CNTN5: variants seen among roughly 807,000 people sequenced by gnomAD.
The protein encoded by CNTN5 is contactin 5.
In CNTN5, 77 loss-of-function variants were observed where a neutral mutation model predicts 129.1. The observed-to-expected ratio is 0.60, with a 90% CI of 0.50 to 0.72. CNTN5 has a LOEUF of 0.72. Ranked by LOEUF, CNTN5 falls within the 30% of genes least tolerant of loss-of-function variation. The pLI, the probability that CNTN5 is intolerant of heterozygous loss-of-function variation, is 0.00. For missense variants in CNTN5, 1,478 were observed against 1,328.8 expected (o/e 1.11, Z -1.75); for synonymous variants, 509 against 465.6 (o/e 1.09, Z -1.20).
chr11:100,242,111 A>C (rs1031260577), intron 16 of CNTN5, among the ~76,000 whole-genome samples: 6 of 152,126 alleles, frequency 3.9e-5, no homozygotes, highest in African/African-American at 1.4e-4. Context: ...ATAAACTGGC[A>C]CTTGCTAATC....
At chr11:100,035,078 G>C (rs144685985) in intron 9 of CNTN5, among the ~76,000 whole-genome samples, 14,174 of 151,914 alleles carry the variant, frequency 0.093, 856 homozygotes, top group East Asian at 0.2. Flanking sequence ...CCATTAACTC[G>C]TCATTTAGCA....
intron 18 of CNTN5, among the ~76,000 whole-genome samples, chr11:100,285,819 G>T (rs1383306851): frequency 6.6e-6 from 1 of 152,188 alleles, no homozygotes; most frequent in South Asian, 2.1e-4. Context: ...GAAGACGGGT[G>T]ATTTCTGCAT....
At chr11:99,919,897 C>A (rs1425336545) in intron 7 of CNTN5, among the ~76,000 whole-genome samples, 1 of 151,824 alleles carries the variant, frequency 6.6e-6, no homozygotes, top group Non-Finnish European at 1.5e-5. Flanking sequence ...CTTAAGTGAT[C>A]CGCTCACCTA....
intron 3 of CNTN5, among the ~76,000 whole-genome samples, chr11:99,801,869 A>G (rs537805223): frequency 5.4e-4 from 82 of 152,112 alleles, no homozygotes; most frequent in Non-Finnish European, 2.9e-4. Flanking sequence ...CTCTTTGGAT[A>G]TCTTTGGACT....
chr11:100,052,326 C>T (rs1207172008), intron 9 of CNTN5, among the ~76,000 whole-genome samples: 1 of 151,838 alleles, frequency 6.6e-6, no homozygotes, highest in African/African-American at 2.4e-5. Flanking sequence ...CTCTGTTCCA[C>T]ACTTAACGGG....
chr11:100,209,472 A>C (rs1294631812), intron 15 of CNTN5, among the ~76,000 whole-genome samples: 2 of 152,230 alleles, frequency 1.3e-5, no homozygotes, highest in African/African-American at 4.8e-5. Flanking sequence ...TTACATGGTT[A>C]ACATTCTTTT....
At chr11:99,630,612 G>A (rs1259193559) in intron 3 of CNTN5, among the ~76,000 whole-genome samples, 3 of 151,784 alleles carry the variant, frequency 2.0e-5, no homozygotes, top group African/African-American at 7.3e-5. Context: ...CTATTTCTTA[G>A]TCACAATTCA....
chr11:100,070,348 T>A, intron 10 of CNTN5, 76 bp from the exon 11 acceptor site: 1 of 1,442,270 alleles, frequency 6.9e-7, no homozygotes, highest in Admixed American at 2.1e-5. Context: ...ACGTTGAATT[T>A]TTCCATGTAA....
At chr11:99,541,422 G>A (rs1373275076) in intron 2 of CNTN5, among the ~76,000 whole-genome samples, 1 of 152,058 alleles carries the variant, frequency 6.6e-6, no homozygotes, top group Non-Finnish European at 1.5e-5. Context: ...GGTGTCAGTT[G>A]GATGTTCCAG....
intron 13 of CNTN5, among the ~76,000 whole-genome samples, chr11:100,175,010 T>G (rs559452877): frequency 6.6e-6 from 1 of 152,178 alleles, no homozygotes; most frequent in Admixed American, 6.6e-5. Context: ...GTTAAAAAAT[T>G]TTACTGATCA....
At chr11:99,793,393 G>C (rs1348567381) in intron 3 of CNTN5, among the ~76,000 whole-genome samples, 3 of 107,940 alleles carry the variant, frequency 2.8e-5, no homozygotes, top group Non-Finnish European at 6.5e-5. Flanking sequence ...ATCAGCTTCT[G>C]GGTTTATTAA....
intron 15 of CNTN5, among the ~76,000 whole-genome samples, chr11:100,203,980 C>T (rs987673772): frequency 1.3e-5 from 2 of 151,756 alleles, no homozygotes; most frequent in Admixed American, 6.6e-5. Context: ...TCTTCCCTGA[C>T]TTGTAAGCTT....
chr11:99,226,610 C>T (rs1860698445), intron 1 of CNTN5, among the ~76,000 whole-genome samples: 1 of 152,136 alleles, frequency 6.6e-6, no homozygotes, highest in African/African-American at 2.4e-5. Flanking sequence ...TTAAACTCCA[C>T]TATGATTCCA....
intron 1 of CNTN5, among the ~76,000 whole-genome samples, chr11:99,205,303 G>C (rs543285676): frequency 2.0e-5 from 3 of 152,030 alleles, no homozygotes; most frequent in Non-Finnish European, 2.9e-5. Context: ...TTTTATACCT[G>C]TTCTGATATA....
chr11:100,093,789 C>A (rs1213255687), intron 13 of CNTN5, among the ~76,000 whole-genome samples: 1 of 151,986 alleles, frequency 6.6e-6, no homozygotes, highest in South Asian at 2.1e-4. Flanking sequence ...GACACCTAGG[C>A]CCCTTCCCCT....
At chr11:99,245,691 A>T (rs1861781362) in intron 1 of CNTN5, among the ~76,000 whole-genome samples, 2 of 152,130 alleles carry the variant, frequency 1.3e-5, no homozygotes, top group Non-Finnish European at 2.9e-5. Flanking sequence ...CTCTGACTAT[A>T]TCCCACGGAA....
At chr11:100,183,956 A>C (rs1948217336) in intron 13 of CNTN5, among the ~76,000 whole-genome samples, 1 of 151,942 alleles carries the variant, frequency 6.6e-6, no homozygotes, top group Non-Finnish European at 1.5e-5. Flanking sequence ...CCATTTCTTC[A>C]AGGTTTTCTT....
Position 100,356,412 on chromosome 11 carries a change from A to G in CNTN5, c.*192A>G. ...TCAGGTTTCTCTTTGGTTTTTGTAA[A>G]CGGAGAGGACAGTTCTTAGTCCAGT... On this transcript the variant is annotated 3_prime_UTR_variant, in exon 25 of 25. Transcript: ENST00000524871. 1 of 590,788 alleles carries G rather than the reference A, an allele frequency of 1.7e-6. No homozygotes were observed. Among genetic ancestry groups the G allele is most frequent in the Non-Finnish European group, 3.0e-6 (1 of 330,990 alleles). 36.6% of individuals were successfully genotyped at this position (590,788 alleles called of 1,614,324 possible). A position where few individuals can be genotyped will look rare whatever the true frequency, so the allele number is the denominator to read the frequency against.
intron 1 of CNTN5, among the ~76,000 whole-genome samples, chr11:99,072,745 C>T (rs554129499): frequency 2.0e-5 from 3 of 152,200 alleles, no homozygotes; most frequent in South Asian, 4.1e-4. Context: ...ATAGCATATA[C>T]TCAGAAAAGT....
Sources: allele counts gnomAD v4.1 joint callset (sites outside exome capture counted in the v4.1 genomes callset), GRCh38; gene constraint gnomAD v4.1.1; transcripts MANE v1.5; gene names NCBI Gene and HGNC (gene_info 2026-07-23, HGNC 2026-07-21).